The following BRD9 variants were observed in gnomAD, a reference collection of about 807,000 sequenced individuals.
BRD9 encodes bromodomain-containing protein 9.
In BRD9, 47 loss-of-function variants were observed where a neutral mutation model predicts 68.7. The observed-to-expected ratio is 0.68, with a 90% CI of 0.54 to 0.87. The LOEUF (loss-of-function observed/expected upper bound fraction) is 0.87, where lower values mean the gene tolerates loss of function less well. Ranked by LOEUF, BRD9 falls within the 40% of genes least tolerant of loss-of-function variation. The pLI, the probability that BRD9 is intolerant of heterozygous loss-of-function variation, is 0.00. For missense variants in BRD9, 670 were observed against 748.4 expected, an observed-to-expected ratio of 0.90 and a Z score of 1.22; for synonymous variants, 313 against 293.9, an observed-to-expected ratio of 1.06 and a Z score of -0.67.
chr5:892,140 A>T, intron 1 of BRD9: 1 of 475,592 alleles, frequency 2.1e-6, no homozygotes, highest in Non-Finnish European at 3.7e-6. Flanking sequence ...ATGGATTAAG[A>T]GGGACCTGGA....
At chr5:866,668 T>C (rs184007799) in intron 14 of BRD9, among the ~76,000 whole-genome samples, 31 of 152,328 alleles carry the variant, frequency 2.0e-4, no homozygotes, top group African/African-American at 7.2e-4. Context: ...CTGACAGCAC[T>C]GTGACCCTGC....
chr5:865,273 G>T, intron 15 of BRD9, 141 bp downstream of exon 15: 1 of 1,205,222 alleles, frequency 8.3e-7, no homozygotes, highest in East Asian at 2.5e-5. Flanking sequence ...GACATCTGTG[G>T]AAACCGACCT....
intron 13 of BRD9, among the ~76,000 whole-genome samples, chr5:871,200 TG>T (rs1750081972): frequency 1.3e-5 from 2 of 152,192 alleles, no homozygotes; most frequent in South Asian, 4.1e-4. Context: ...CCACTGTGCT[TG>T]GGACAACACC....
intron 6 of BRD9, 151 bp from the exon 7 acceptor site, chr5:886,858 C>A: frequency 7.4e-7 from 1 of 1,346,044 alleles, no homozygotes. Context: ...ATGGTCACAG[C>A]CTCACCTGGC....
At chr5:883,759 G>A in intron 8 of BRD9, 179 bp downstream of exon 8, 1 of 863,160 alleles carries the variant, frequency 1.2e-6, no homozygotes, top group Non-Finnish European at 1.7e-6. Flanking sequence ...AGAGGCACCT[G>A]GACCCCGACT....
chr5:864,335 T>A lies in BRD9; in HGVS notation c.*133A>T. 1 of 671,892 alleles carries A rather than the reference T, an allele frequency of 1.5e-6. No individual in the cohort carries two copies. Among genetic ancestry groups the A allele is most frequent in the Non-Finnish European group, 2.4e-6 (1 of 414,680 alleles). The allele number at this position is 671,892 out of a possible 1,614,324, so 41.6% of individuals were successfully genotyped here. A position where few individuals can be genotyped will look rare whatever the true frequency, so the allele number is the denominator to read the frequency against. On this transcript the variant is annotated 3_prime_UTR_variant, in exon 16 of 16. Coordinates refer to ENST00000467963, the MANE Select transcript of BRD9 (RefSeq NM_023924.5). Reference sequence around the variant, plus strand: ...TCTGCTGACATGATACCACAGACAATTCATTACCTCCCCGCGGCTGCTTCC... The same window carrying A: ...TCTGCTGACATGATACCACAGACAAATCATTACCTCCCCGCGGCTGCTTCC...
At position 892,634 on chromosome 5, in the gene BRD9, G is replaced by A; in HGVS notation, c.24C>T (p.His8=). 2.0e-6 allele frequency: 3 copies of A among 1,487,250 alleles called. No individual in the cohort carries two copies. Among genetic ancestry groups the A allele is most frequent in the Non-Finnish European group, 2.7e-6 (3 of 1,118,470 alleles). The allele number at this position is 1,487,250 out of a possible 1,614,324, so 92.1% of individuals were successfully genotyped here. ...CGTAGGACGAGCGCCACTCGGCCTT[G>A]TGCTTCTTGTGCTTCTTGCCCATGG... MGKKHKK[H]KAEWRSSYED... is the part of the protein sequence containing the mutation. Residue 8 remains histidine (H), a synonymous_variant, in exon 1 of 16, where the codon CAC becomes CAT. Transcript: ENST00000467963.
Position 870,455 on chromosome 5 carries a change from G to A in BRD9, c.1525+18C>T, listed in dbSNP as rs1197856620. On this transcript the variant is annotated intron_variant, in intron 14 of 15. Transcript: ENST00000467963. ...CACCTTCACCAGGTGCTGTGGGAAA[G>A]TGCCTGTTACAACTCACCCAGAGAG... 6.3e-7 allele frequency: 1 copy of A among 1,591,796 alleles called. No homozygotes were observed. Among genetic ancestry groups the A allele is most frequent in the Non-Finnish European group, 8.6e-7 (1 of 1,159,856 alleles).
rs769155031 is a variant in BRD9 at position 870,547 on chromosome 5, C to G, written c.1451G>C (p.Ser484Thr). Residue 484 changes from serine (S) to threonine (T), a missense_variant, in exon 14 of 16, where the codon AGC becomes ACC. This residue lies in a region of BRD9 where 280 missense variants were observed against 281.5 expected (regional missense o/e 0.99). Coordinates refer to ENST00000467963, the MANE Select transcript of BRD9 (RefSeq NM_023924.5). Reference protein sequence around the residue: ...KVGDTLGDSSSSVLEFMSMKS... With the variant: ...KVGDTLGDSSTSVLEFMSMKS... The stretch of plus-strand genomic sequence containing the variant: ...CATCGACATGAACTCCAGAACAGAG[C>G]TGCTGCTGTCTCCTAGGGTGTCCCC... 6.2e-7 allele frequency: 1 copy of G among 1,614,168 alleles called. No homozygotes were observed. Among genetic ancestry groups the G allele is most frequent in the East Asian group, 2.2e-5 (1 of 44,880 alleles).
At position 864,472 on chromosome 5, in the gene BRD9, G is replaced by C. The variant is rs1749044886; in HGVS notation, c.1790C>G (p.Thr597Ser). The change falls in exon 16 of 16, where the codon ACC (threonine) becomes AGC (serine). Residue 597 changes from threonine to serine, a missense_variant. This residue lies in a region of BRD9 where 280 missense variants were observed against 281.5 expected (regional missense o/e 0.99). Coordinates refer to ENST00000467963, the MANE Select transcript of BRD9 (RefSeq NM_023924.5). The part of the protein sequence containing the change: ...QSPEPAASAK[T>S] ...AGAGCTGAAGGTGGTCTAGAGTTAG[G>C]TCTTGGCAGAGGCCGCAGGCTCTGG... The C allele has an allele frequency of 6.2e-7, 1 of 1,610,806 alleles. No homozygotes were observed. The highest frequency in any genetic ancestry group is 1.3e-5 in the African/African-American group (1 of 74,846).
chr5:880,897 G>A (rs935013827), intron 9 of BRD9, among the ~76,000 whole-genome samples: 8 of 152,216 alleles, frequency 5.3e-5, no homozygotes, highest in Non-Finnish European at 8.8e-5. Context: ...AGCCCTGACC[G>A]AGGTCTGACC....
Position 864,550 on chromosome 5 carries a change from C to T in BRD9, c.1712G>A (p.Ser571Asn). The T allele has an allele frequency of 6.2e-7, 1 of 1,613,884 alleles. No individual in the cohort carries two copies. The highest frequency in any genetic ancestry group is 8.5e-7 in the Non-Finnish European group (1 of 1,179,880). ...GGTGACGTCTGGCTGCTCCCCGACA[C>T]TCAGGCGAGAAGGGCTTCCTGCAAT... ...QHHLGSPSRL[S>N]VGEQPDVTHD... Residue 571 changes from serine to asparagine, a missense_variant, in exon 16 of 16, where the codon AGT (serine) becomes AAT (asparagine). Physicochemically the swap from Ser to Asn is conservative, Grantham distance 46. Coordinates refer to ENST00000467963, the MANE Select transcript of BRD9 (RefSeq NM_023924.5).
Position 891,750 on chromosome 5 carries a change from CAT to C in BRD9, c.155_156del (p.Tyr52Ter), listed in dbSNP as rs1215754670. 1 of 1,551,716 alleles carries C rather than the reference CAT, an allele frequency of 6.4e-7. No individual in the cohort carries two copies. Reference protein sequence around the residue: ...LSGSGHDSSYYDDRSDHERER... With the variant: ...LSGSGHDSSYXDDRSDHERER... ...TCTCGCTCATGGTCTGACCTGTCAT[CAT>C]AGTAACTGGAGTCGTGGCCGGATCC... is the stretch of plus-strand genomic sequence containing the variant. On this transcript the variant is annotated frameshift_variant, in exon 2 of 16. Transcript: ENST00000467963. LOFTEE classifies it high-confidence loss of function.
chr5:888,485 A>C (rs1305998430), intron 5 of BRD9: 1 of 152,342 alleles, frequency 6.6e-6, no homozygotes, highest in East Asian at 1.9e-4. Flanking sequence ...ATGCCTTTCT[A>C]AACTACACTA....
chr5:870,763 T>C (rs758692990), intron 13 of BRD9, among the ~76,000 whole-genome samples, 188 bp from the exon 14 acceptor site: 5 of 152,220 alleles, frequency 3.3e-5, no homozygotes, highest in Non-Finnish European at 7.3e-5. Flanking sequence ...AGCTCATGAA[T>C]GGATATGCAA....
At chr5:886,269 G>C (rs962202890) in intron 7 of BRD9, among the ~76,000 whole-genome samples, 7 of 152,252 alleles carry the variant, frequency 4.6e-5, no homozygotes, top group African/African-American at 1.2e-4. Flanking sequence ...GCACAGCCTT[G>C]GCTGCCGGCA....
intron 2 of BRD9, 166 bp from the exon 3 acceptor site, chr5:891,453 G>T: frequency 7.6e-7 from 1 of 1,313,300 alleles, no homozygotes; most frequent in Non-Finnish European, 1.0e-6. Flanking sequence ...GGCAGGGTCT[G>T]CTGAGGAACA....
intron 7 of BRD9, among the ~76,000 whole-genome samples, chr5:886,166 G>A (rs1216732814): frequency 6.6e-6 from 1 of 152,226 alleles, no homozygotes; most frequent in Non-Finnish European, 1.5e-5. Flanking sequence ...AGCAGTTCAG[G>A]AGTGTGCATC....
chr5:890,004 T>G, intron 3 of BRD9: 1 of 342,644 alleles, frequency 2.9e-6, no homozygotes, highest in Non-Finnish European at 5.8e-6. Context: ...TCACCGATTA[T>G]TATTTCACTT....
Sources: gnomAD v4.1 joint callset for allele counts (sites outside exome capture counted in the v4.1 genomes callset) on GRCh38, gnomAD v4.1.1 for gene constraint, gnomAD v4.1.1 regional missense constraint, MANE v1.5 for transcripts, NCBI Gene and HGNC (gene_info 2026-07-23, HGNC 2026-07-21) for gene names.